The following PRKCZ variants were observed in gnomAD, a reference collection of about 807,000 sequenced individuals.
PRKCZ encodes the protein protein kinase C zeta.
In PRKCZ, 33 loss-of-function variants were observed where a neutral mutation model predicts 79.5. The ratio of observed to expected loss-of-function variants is 0.41; its 90% confidence interval spans 0.31 to 0.55. The LOEUF (loss-of-function observed/expected upper bound fraction) is 0.55, where lower values mean the gene tolerates loss of function less well. Ranked by LOEUF, PRKCZ falls within the 20% of genes least tolerant of loss-of-function variation. The probability of loss-of-function intolerance (pLI) is 0.19; values close to 1 mark genes in which losing one functional copy is unlikely to be tolerated. For synonymous variants in PRKCZ, 342 were observed against 320.9 expected, an observed-to-expected ratio of 1.07 and a Z score of -0.70; for missense variants, 578 against 813.5, an observed-to-expected ratio of 0.71 and a Z score of 3.52.
Position 2,180,476 on chromosome 1 carries a change from C to T in PRKCZ, c.1576-4107C>T, listed in dbSNP as rs1420203551. ...CTCAGATGCACGGACACCCAGACGACGCGGACGCACAGACGACGCGGACGC... is the reference window on the plus strand; with the variant it reads ...CTCAGATGCACGGACACCCAGACGATGCGGACGCACAGACGACGCGGACGC... On this transcript the variant is annotated intron_variant, in intron 16 of 17. Transcript: ENST00000378567. Among the ~76,000 whole-genome samples the T allele has an allele frequency of 3.3e-5, 5 of 151,796 alleles. No homozygotes were observed. In the East Asian group the frequency reaches 5.8e-4, roughly 18 times the overall value.
rs1683781831 is a variant in PRKCZ at position 2,168,537 on chromosome 1, G to T, written c.975-981G>T. Reference sequence around the variant, plus strand: ...GTTTCCAATCAGAAACTTCACAGATGATTTGCAGCCAGTTCACCTGCCCTG... The same window carrying T: ...GTTTCCAATCAGAAACTTCACAGATTATTTGCAGCCAGTTCACCTGCCCTG... On this transcript the variant is annotated intron_variant, in intron 10 of 17. Coordinates refer to ENST00000378567, the MANE Select transcript of PRKCZ (RefSeq NM_002744.6). The surrounding 1 kb of genome is among the most constrained non-coding windows in gnomAD (Gnocchi z 4.7). 6.6e-6 allele frequency among the ~76,000 whole-genome samples: 1 copy of T among 152,194 alleles called. No homozygotes were observed. The highest frequency in any genetic ancestry group is 1.5e-5 in the Non-Finnish European group (1 of 68,044).
chr1:2,172,039 G>A lies in PRKCZ; in HGVS notation c.1062-16G>A, dbSNP rs777738700. 1.0e-5 allele frequency: 16 copies of A among 1,586,008 alleles called. No homozygotes were observed. Among genetic ancestry groups the A allele is most frequent in the South Asian group, 1.2e-5 (1 of 86,106 alleles). On this transcript the variant is annotated splice_polypyrimidine_tract_variant and intron_variant, in intron 11 of 17. Coordinates refer to ENST00000378567, the MANE Select transcript of PRKCZ (RefSeq NM_002744.6). The surrounding 1 kb of genome is among the most constrained non-coding windows in gnomAD (Gnocchi z 7.8). The stretch of plus-strand genomic sequence containing the variant: ...TGGCACAGGCACTGCCCCCATGACG[G>A]CATCCCCACCCCCAGGTTCTACGCG...
In PRKCZ at chr1:2,092,128, G is replaced by A. The variant is rs570503694; in HGVS notation, c.334+32537G>A. On this transcript the variant is annotated intron_variant, in intron 4 of 17. Coordinates refer to ENST00000378567, the MANE Select transcript of PRKCZ (RefSeq NM_002744.6). Reference sequence around the variant, plus strand: ...ATCGCGCTTCTCCCCTAGATACTCCGGCCATGCCAGCCGCCCCCTTGGCTC... The same window carrying A: ...ATCGCGCTTCTCCCCTAGATACTCCAGCCATGCCAGCCGCCCCCTTGGCTC... 2.1e-4 allele frequency among the ~76,000 whole-genome samples: 32 copies of A among 152,238 alleles called. 1 individual carries two copies. The East Asian group carries it at 4.4e-3, about 21-fold the overall frequency.
chr1:2,159,418 C>T (rs1227592924), intron 10 of PRKCZ, among the ~76,000 whole-genome samples: 1 of 152,238 alleles, frequency 6.6e-6, no homozygotes, highest in East Asian at 1.9e-4. Flanking sequence ...TGCGTGGGCC[C>T]CTTGCTGAGG....
chr1:2,120,071 G>A (rs539967803), intron 4 of PRKCZ, among the ~76,000 whole-genome samples: 2 of 152,202 alleles, frequency 1.3e-5, no homozygotes, highest in South Asian at 4.1e-4. Flanking sequence ...GGCTTGGAGT[G>A]TTTGTCATTT....
At chr1:2,099,331 C>G (rs1490529082) in intron 4 of PRKCZ, among the ~76,000 whole-genome samples, 3 of 152,344 alleles carry the variant, frequency 2.0e-5, no homozygotes, top group African/African-American at 7.2e-5. Flanking sequence ...GTCATTCATT[C>G]ATTCATTCAT....
intron 4 of PRKCZ, among the ~76,000 whole-genome samples, chr1:2,100,158 A>C (rs1407267205): frequency 6.6e-6 from 1 of 152,166 alleles, no homozygotes; most frequent in Non-Finnish European, 1.5e-5. Context: ...CGACCCCACC[A>C]CCACCCCCAA....
rs531554921 is a variant in PRKCZ, at chr1:2,128,036, AG to A, written c.335-7225del. On this transcript the variant is annotated intron_variant, in intron 4 of 17. Coordinates refer to ENST00000378567, the MANE Select transcript of PRKCZ (RefSeq NM_002744.6). The surrounding 1 kb of genome is among the most constrained non-coding windows in gnomAD (Gnocchi z 6.5). Reference sequence around the variant, plus strand: ...CCCAGGCTCCTGGAGCTCAGAATCTAGTGGAAATCGCTGCCCAGGGAAGAAG... The same window carrying A: ...CCCAGGCTCCTGGAGCTCAGAATCTATGGAAATCGCTGCCCAGGGAAGAAG... Among the ~76,000 whole-genome samples, 11 of 152,304 alleles carry A rather than the reference AG, an allele frequency of 7.2e-5. No homozygotes were observed. The South Asian group carries it at 2.3e-3, about 32-fold the overall frequency.
chr1:2,106,778 A>G lies in PRKCZ; in HGVS notation c.335-28484A>G, dbSNP rs866491822. 6.5e-3 allele frequency among the ~76,000 whole-genome samples: 436 copies of G among 67,518 alleles called. 28 individuals are homozygous for G. Among genetic ancestry groups the G allele is most frequent in the African/African-American group, 0.02 (203 of 10,354 alleles). The allele number at this position is 67,518 out of a possible 152,430, so 44.3% of individuals were successfully genotyped here. On this transcript the variant is annotated intron_variant, in intron 4 of 17. Coordinates refer to ENST00000378567, the MANE Select transcript of PRKCZ (RefSeq NM_002744.6). ...CCCTCTGGTGGGCGAGGACCTCCAC[A>G]CGTGTCACCAGGCCAGGTGACTCTT...
chr1:2,119,213 C>CTTTTTTTT (rs201938015), intron 4 of PRKCZ, among the ~76,000 whole-genome samples: 1 of 126,434 alleles, frequency 7.9e-6, no homozygotes, highest in Admixed American at 8.8e-5. Context: ...TTATTTTTTC[C>CTTTTTTTT]TTTTTTTTTT....
At chr1:2,106,980 A>C (rs1396130753) in intron 4 of PRKCZ, among the ~76,000 whole-genome samples, 1 of 150,122 alleles carries the variant, frequency 6.7e-6, no homozygotes, top group Non-Finnish European at 1.5e-5. Context: ...TTAGCACAGG[A>C]GTCACTTGAC....
rs1325231138 is a variant in PRKCZ, at chr1:2,174,902, C to T, written c.1485+69C>T. The T allele has an allele frequency of 2.1e-5, 32 of 1,495,428 alleles. No homozygotes were observed. Among genetic ancestry groups the T allele is most frequent in the East Asian group, 1.4e-4 (6 of 44,282 alleles). 92.6% of individuals were successfully genotyped at this position (1,495,428 alleles called of 1,614,324 possible). A position where few individuals can be genotyped will look rare whatever the true frequency, so the allele number is the denominator to read the frequency against. ...GTGTTGGTGGGCAGAGGGCCAGGCACGGCTGTTGGCCATTTTTTCATGTCG... is the reference window on the plus strand; with the variant it reads ...GTGTTGGTGGGCAGAGGGCCAGGCATGGCTGTTGGCCATTTTTTCATGTCG... On this transcript the variant is annotated intron_variant, in intron 15 of 17. Transcript: ENST00000378567. This position sits in a 1 kb window ranked among gnomAD's most constrained non-coding sequence, Gnocchi z 6.2.
intron 4 of PRKCZ, among the ~76,000 whole-genome samples, chr1:2,129,654 T>C (rs768783411): frequency 6.6e-6 from 1 of 152,168 alleles, no homozygotes; most frequent in African/African-American, 2.4e-5. Context: ...GGGGGGTCTC[T>C]GGGAACTCTC....
rs909738873 is a variant in PRKCZ, at chr1:2,177,223, G to A, written c.1575+1910G>A. On this transcript the variant is annotated intron_variant, in intron 16 of 17. Transcript: ENST00000378567. The surrounding 1 kb of genome is among the most constrained non-coding windows in gnomAD (Gnocchi z 6.4). ...TGTCTCTGGCCCACAGAACCCCTCCGGTCCACACACACACTCAGGTCCAGG... is the reference window on the plus strand; with the variant it reads ...TGTCTCTGGCCCACAGAACCCCTCCAGTCCACACACACACTCAGGTCCAGG... Among the ~76,000 whole-genome samples, 21 of 152,064 alleles carry A rather than the reference G, an allele frequency of 1.4e-4. No individual in the cohort carries two copies. The highest frequency in any genetic ancestry group is 4.8e-4 in the African/African-American group (20 of 41,376).
Position 2,185,117 on chromosome 1 carries a change from C to T in PRKCZ, c.*108C>T, listed in dbSNP as rs113534097. The T allele has an allele frequency of 4.5e-6, 5 of 1,099,412 alleles. No individual in the cohort carries two copies. Among genetic ancestry groups the T allele is most frequent in the African/African-American group, 3.1e-5 (2 of 64,514 alleles). 68.1% of individuals were successfully genotyped at this position (1,099,412 alleles called of 1,614,324 possible). On this transcript the variant is annotated 3_prime_UTR_variant, in exon 18 of 18. Transcript: ENST00000378567. Reference sequence around the variant, plus strand: ...GCACGGCTCCGAGGGCGGCCAGGGACAGACGCTTGCGCCGAGACCGCAGAG... The same window carrying T: ...GCACGGCTCCGAGGGCGGCCAGGGATAGACGCTTGCGCCGAGACCGCAGAG...
intron 10 of PRKCZ, among the ~76,000 whole-genome samples, chr1:2,157,365 C>T (rs1449352742): frequency 1.3e-5 from 2 of 151,080 alleles, no homozygotes; most frequent in African/African-American, 4.9e-5. Flanking sequence ...TGTTCAGGCA[C>T]ACACAGTTTG....
In PRKCZ at chr1:2,109,173, T is replaced by G. The variant is rs565815583; in HGVS notation, c.335-26089T>G. Among the ~76,000 whole-genome samples, 32 of 152,246 alleles carry G rather than the reference T, an allele frequency of 2.1e-4. 1 individual carries two copies. Among genetic ancestry groups the G allele is most frequent in the African/African-American group, 7.5e-4 (31 of 41,548 alleles). On this transcript the variant is annotated intron_variant, in intron 4 of 17. Transcript: ENST00000378567. ...CCACGGAAGGTGACACAGTCTTGGG[T>G]CCCGGGACTTGCATGTGGGGCTGTC...
At chr1:2,121,792 TCAC>T (rs1350641584) in intron 4 of PRKCZ, among the ~76,000 whole-genome samples, 2 of 58,274 alleles carry the variant, frequency 3.4e-5, no homozygotes, top group East Asian at 1.4e-3. Flanking sequence ...GTGGTTAGGG[TCAC>T]GGCGGTGGTT....
chr1:2,060,259 C>A (rs189603293), intron 4 of PRKCZ, among the ~76,000 whole-genome samples: 1 of 152,250 alleles, frequency 6.6e-6, no homozygotes, highest in East Asian at 1.9e-4. Context: ...GCCTGTCCAG[C>A]GCAGGGCACG....
Sources: gnomAD v4.1 joint callset for allele counts (sites outside exome capture counted in the v4.1 genomes callset) on GRCh38, gnomAD v4.1.1 for gene constraint, Gnocchi (gnomAD v3.1) non-coding constraint, MANE v1.5 for transcripts, NCBI Gene and HGNC (gene_info 2026-07-23, HGNC 2026-07-21) for gene names.